C14orf39: variants seen among roughly 807,000 people sequenced by gnomAD.
C14orf39 encodes the protein chromosome 14 open reading frame 39, also known as protein SIX6OS1.
A neutral mutation model predicts 85.6 loss-of-function variants in C14orf39; 66 were observed. The ratio of observed to expected loss-of-function variants is 0.77; its 90% CI spans 0.63 to 0.95. The LOEUF is 0.95. Among genes scored for constraint, C14orf39 ranks in the 40% least tolerant of loss-of-function variants. The pLI is 0.00. For synonymous variants in C14orf39, 242 were observed against 214.0 expected (o/e 1.13, Z -1.14); for missense variants, 735 against 663.9 (o/e 1.11, Z -1.18).
At chr14:60,466,888 T>A (rs759000357) in intron 10 of C14orf39, 29 bp downstream of exon 10, 3 of 1,448,908 alleles carry the variant, frequency 2.1e-6, no homozygotes, top group South Asian at 3.1e-5. Context: ...AAAAAAATGA[T>A]GTTTTTGAAT....
intron 16 of C14orf39, 134 bp downstream of exon 16, chr14:60,454,867 C>T: frequency 5.1e-6 from 3 of 592,240 alleles, no homozygotes; most frequent in Non-Finnish European, 8.1e-6. Flanking sequence ...TTTGTCATAC[C>T]ATCAATACTC....
chr14:60,472,554 C>A (rs1892146423), intron 5 of C14orf39, among the ~76,000 whole-genome samples: 1 of 152,148 alleles, frequency 6.6e-6, no homozygotes, highest in Non-Finnish European at 1.5e-5. Context: ...CTCCCTCCTA[C>A]CCCCTCCCCA....
chr14:60,436,769 T>C lies in C14orf39; in HGVS notation c.*76A>G, dbSNP rs1890266856. ...AATCAATAAAAGAAAGCAGTCTTCA[T>C]GTTTTAAGCAATAATGTAAATTTAT... On this transcript the variant is annotated 3_prime_UTR_variant, in exon 18 of 18. Coordinates refer to ENST00000321731, the MANE Select transcript of C14orf39 (RefSeq NM_174978.3). 3 of 917,184 alleles carry C rather than the reference T, an allele frequency of 3.3e-6. No individual in the cohort carries two copies. The highest frequency in any genetic ancestry group is 1.6e-5 in the South Asian group (1 of 62,532). 56.8% of individuals were successfully genotyped at this position (917,184 alleles called of 1,614,324 possible).
At chr14:60,444,188 A>G (rs891981901) in intron 16 of C14orf39, among the ~76,000 whole-genome samples, 7 of 152,242 alleles carry the variant, frequency 4.6e-5, no homozygotes, top group African/African-American at 1.7e-4. Context: ...AAAACTGGAC[A>G]GAAAATGACT....
chr14:60,446,622 A>T (rs1221169758), intron 16 of C14orf39, among the ~76,000 whole-genome samples: 1 of 152,220 alleles, frequency 6.6e-6, no homozygotes, highest in African/African-American at 2.4e-5. Flanking sequence ...CCACAGGTAC[A>T]AAGAGGAGCT....
upstream of C14orf39, among the ~76,000 whole-genome samples, chr14:60,488,321 T>A (rs1892936255): frequency 6.6e-6 from 1 of 152,180 alleles, no homozygotes; most frequent in South Asian, 2.1e-4. Flanking sequence ...ACCACTACCA[T>A]CTATCTTATT....
intron 13 of C14orf39, among the ~76,000 whole-genome samples, chr14:60,459,428 A>C (rs1375633398): frequency 3.3e-5 from 5 of 151,640 alleles, no homozygotes; most frequent in African/African-American, 9.7e-5. Flanking sequence ...GGGTATGTAT[A>C]TCTCTCATTT....
intron 1 of C14orf39, chr14:60,509,379 C>A: frequency 1.3e-6 from 2 of 1,596,442 alleles, no homozygotes; most frequent in Non-Finnish European, 1.7e-6. Context: ...AGTGCCCTCG[C>A]CGCCGCCGGC....
intron 1 of C14orf39, among the ~76,000 whole-genome samples, chr14:60,501,932 A>T (rs1893155192): frequency 6.6e-6 from 1 of 152,252 alleles, no homozygotes; most frequent in Non-Finnish European, 1.5e-5. Flanking sequence ...TGCAAGGAAC[A>T]GTCATTCATA....
intron 1 of C14orf39, among the ~76,000 whole-genome samples, chr14:60,501,578 C>A (rs1425516415): frequency 6.6e-6 from 1 of 152,140 alleles, no homozygotes; most frequent in Non-Finnish European, 1.5e-5. Flanking sequence ...GAATAAATTT[C>A]TGTTGTTTTA....
intron 11 of C14orf39, among the ~76,000 whole-genome samples, chr14:60,464,678 C>T (rs1279469946): frequency 6.6e-6 from 1 of 152,010 alleles, no homozygotes; most frequent in Non-Finnish European, 1.5e-5. Context: ...GCCTTGTTTT[C>T]GTTTGCATTT....
intron 16 of C14orf39, among the ~76,000 whole-genome samples, chr14:60,453,750 G>A (rs1036302133): frequency 2.0e-5 from 3 of 151,244 alleles, no homozygotes; most frequent in African/African-American, 4.9e-5. Flanking sequence ...TAATTATTTT[G>A]CCAATCTCCT....
chr14:60,449,249 C>T (rs554043581), intron 16 of C14orf39, among the ~76,000 whole-genome samples: 1 of 152,162 alleles, frequency 6.6e-6, no homozygotes, highest in East Asian at 1.9e-4. Context: ...CTTCTTCTTC[C>T]ACCGTTTTCA....
In C14orf39 at chr14:60,445,999, G is replaced by A. The variant is rs554593556; in HGVS notation, c.1504-3868C>T. Reference sequence around the variant, plus strand: ...ACAAAATGAAGGGAGAAATAAAGACGTTCTTTGAAACCAATGAGAACAAAG... The same window carrying A: ...ACAAAATGAAGGGAGAAATAAAGACATTCTTTGAAACCAATGAGAACAAAG... On this transcript the variant is annotated intron_variant, in intron 16 of 17. Coordinates refer to ENST00000321731, the MANE Select transcript of C14orf39 (RefSeq NM_174978.3). 2.6e-5 allele frequency among the ~76,000 whole-genome samples: 4 copies of A among 152,202 alleles called. No individual in the cohort carries two copies. In the South Asian group the frequency reaches 6.2e-4, roughly 24 times the overall value.
At chr14:60,466,196 A>G (rs1316587632) in intron 10 of C14orf39, 141 bp from the exon 11 acceptor site, 10 of 428,924 alleles carry the variant, frequency 2.3e-5, no homozygotes, top group Admixed American at 4.5e-5. Context: ...GAATTATGAA[A>G]TTATTTTAAA....
intron 4 of C14orf39, among the ~76,000 whole-genome samples, chr14:60,481,468 G>A (rs924153401): frequency 4.6e-5 from 7 of 152,042 alleles, no homozygotes; most frequent in African/African-American, 1.7e-4. Context: ...ACCAGCCTGA[G>A]CAACATAGTG....
At chr14:60,482,526 A>G (rs1319138607) in intron 4 of C14orf39, among the ~76,000 whole-genome samples, 1 of 152,222 alleles carries the variant, frequency 6.6e-6, no homozygotes, top group Non-Finnish European at 1.5e-5. Context: ...TGGTGGGAGC[A>G]CAAATTGGTA....
upstream of C14orf39, among the ~76,000 whole-genome samples, chr14:60,487,671 A>G (rs2140172163): frequency 4.6e-5 from 7 of 152,302 alleles, 1 homozygote; most frequent in Middle Eastern, 0.02. Context: ...GGGTCTTATG[A>G]TAGTTCTATT....
rs775600721 is a variant in C14orf39 at position 60,437,055 on chromosome 14, A to G, written c.1562-8T>C. 7 of 1,572,394 alleles carry G rather than the reference A, an allele frequency of 4.5e-6. No homozygotes were observed. The South Asian group carries it at 7.0e-5, about 16-fold the overall frequency. On this transcript the variant is annotated splice_region_variant and splice_polypyrimidine_tract_variant and intron_variant, in intron 17 of 17. Coordinates refer to ENST00000321731, the MANE Select transcript of C14orf39 (RefSeq NM_174978.3). ...GCTTCTCAAGTAAGTTTCCTAAGGAAGATAAACATTACAATATCATGCTCT... is the reference window on the plus strand; with the variant it reads ...GCTTCTCAAGTAAGTTTCCTAAGGAGGATAAACATTACAATATCATGCTCT...
Sources: gnomAD v4.1 joint callset for allele counts (sites outside exome capture counted in the v4.1 genomes callset) on GRCh38, gnomAD v4.1.1 for gene constraint, MANE v1.5 for transcripts, NCBI Gene and HGNC (gene_info 2026-07-23, HGNC 2026-07-21) for gene names.